The following XKR6 variants were observed in gnomAD, a reference collection of about 807,000 sequenced individuals.
The protein encoded by XKR6 is XK related 6.
In XKR6, 22 loss-of-function variants were observed where a neutral mutation model predicts 56.7. That is an observed-to-expected ratio of 0.39 (90% CI 0.28 to 0.55). XKR6 has a LOEUF of 0.55. Among genes scored for constraint, XKR6 ranks in the 20% least tolerant of loss-of-function variants. The pLI is 0.66. For missense variants in XKR6, 852 were observed against 889.0 expected (o/e 0.96, Z 0.53); for synonymous variants, 524 against 387.8 (o/e 1.35, Z -4.13).
chr8:10,967,941 G>A (rs139911751), intron 1 of XKR6, among the ~76,000 whole-genome samples: 2,282 of 152,292 alleles, frequency 0.015, 24 homozygotes, highest in Non-Finnish European at 0.024. Flanking sequence ...GAACCCCAGA[G>A]CCCTAGGAGA....
chr8:10,985,125 T>C (rs964180402), intron 1 of XKR6, among the ~76,000 whole-genome samples: 2 of 151,988 alleles, frequency 1.3e-5, no homozygotes, highest in Admixed American at 1.3e-4. Flanking sequence ...TTCTATTTTT[T>C]GTGGAGAGGG....
chr8:11,192,399 T>G (rs1454728870), intron 1 of XKR6, among the ~76,000 whole-genome samples: 1 of 152,080 alleles, frequency 6.6e-6, no homozygotes, highest in Non-Finnish European at 1.5e-5. Flanking sequence ...TCCATCCACC[T>G]CAGCCTCCAA....
chr8:11,129,739 A>G (rs1187991679), intron 1 of XKR6, among the ~76,000 whole-genome samples: 1 of 152,216 alleles, frequency 6.6e-6, no homozygotes, highest in Non-Finnish European at 1.5e-5. Flanking sequence ...AATTTTTTAA[A>G]TCGATGTGGG....
chr8:10,965,848 G>A (rs1239767863), intron 1 of XKR6, among the ~76,000 whole-genome samples: 1 of 152,230 alleles, frequency 6.6e-6, no homozygotes, highest in Admixed American at 6.5e-5. Flanking sequence ...TCTGGCCCGG[G>A]CCGAGTCCAC....
chr8:11,127,091 C>T (rs1363904194), intron 1 of XKR6, among the ~76,000 whole-genome samples: 2 of 152,138 alleles, frequency 1.3e-5, no homozygotes, highest in African/African-American at 4.8e-5. Context: ...ACTAAGGGTA[C>T]TCTAGGTGGT....
chr8:10,983,651 T>G (rs1797785322), intron 1 of XKR6, among the ~76,000 whole-genome samples: 1 of 145,956 alleles, frequency 6.9e-6, no homozygotes, highest in Non-Finnish European at 1.5e-5. Flanking sequence ...AGCTTACATA[T>G]TCTTTTTTTT....
intron 2 of XKR6, among the ~76,000 whole-genome samples, chr8:10,911,203 T>TGC (rs1304077796): frequency 2.3e-5 from 3 of 130,514 alleles, no homozygotes; most frequent in South Asian, 2.3e-4. Flanking sequence ...GGTGTGCGTG[T>TGC]GTGTGTGTGT....
At chr8:11,152,164 G>C (rs1801299874) in intron 1 of XKR6, among the ~76,000 whole-genome samples, 1 of 152,144 alleles carries the variant, frequency 6.6e-6, no homozygotes, top group Non-Finnish European at 1.5e-5. Context: ...TGACACTCTT[G>C]GGAATCTTAG....
chr8:11,037,857 CAAAAAAA>C (rs61377795), intron 1 of XKR6, among the ~76,000 whole-genome samples: 5 of 100,744 alleles, frequency 5.0e-5, no homozygotes, highest in African/African-American at 9.9e-5. Context: ...GACTTGGTTT[CAAAAAAA>C]AAAAAAAAAA....
intron 1 of XKR6, among the ~76,000 whole-genome samples, chr8:11,048,677 G>C (rs989643568): frequency 2.6e-5 from 4 of 152,178 alleles, no homozygotes; most frequent in African/African-American, 9.7e-5. Context: ...TGGAGGCTGA[G>C]TCCCCTTCCT....
At chr8:11,036,678 G>C (rs1388293309) in intron 1 of XKR6, among the ~76,000 whole-genome samples, 1 of 152,224 alleles carries the variant, frequency 6.6e-6, no homozygotes, top group African/African-American at 2.4e-5. Flanking sequence ...GTTCTTTGGA[G>C]GGTTCAACAG....
chr8:11,093,571 G>T (rs1355138079), intron 1 of XKR6, among the ~76,000 whole-genome samples: 1 of 151,984 alleles, frequency 6.6e-6, no homozygotes, highest in Non-Finnish European at 1.5e-5. Context: ...TTGGCAACAT[G>T]GTCCTTTTCT....
chr8:10,967,483 AGG>A (rs958673370), intron 1 of XKR6, among the ~76,000 whole-genome samples: 1 of 152,238 alleles, frequency 6.6e-6, no homozygotes, highest in Non-Finnish European at 1.5e-5. Context: ...GAGGCTGTAC[AGG>A]AGCCAAGACC....
At chr8:10,975,223 T>C (rs1415337565) in intron 1 of XKR6, among the ~76,000 whole-genome samples, 2 of 152,208 alleles carry the variant, frequency 1.3e-5, no homozygotes, top group African/African-American at 4.8e-5. Flanking sequence ...CAACGATCCC[T>C]TGGCTGCCCC....
At chr8:10,902,609 G>A (rs1800068042) in intron 2 of XKR6, among the ~76,000 whole-genome samples, 1 of 152,246 alleles carries the variant, frequency 6.6e-6, no homozygotes, top group South Asian at 2.1e-4. Context: ...AATGGTGGGA[G>A]CCTGTTCTGG....
At chr8:11,186,462 A>C (rs569697338) in intron 1 of XKR6, among the ~76,000 whole-genome samples, 4 of 152,220 alleles carry the variant, frequency 2.6e-5, no homozygotes, top group Admixed American at 2.6e-4. Context: ...CTGCAGCCTC[A>C]ACCTCCTGGG....
At chr8:11,181,027 G>C (rs531930896) in intron 1 of XKR6, among the ~76,000 whole-genome samples, 4 of 152,292 alleles carry the variant, frequency 2.6e-5, no homozygotes, top group African/African-American at 9.6e-5. Context: ...CATACTTTTT[G>C]TTTAAAAGTT....
chr8:11,040,943 T>TCTA (rs1174044583), intron 1 of XKR6, among the ~76,000 whole-genome samples: 1 of 152,140 alleles, frequency 6.6e-6, no homozygotes, highest in African/African-American at 2.4e-5. Context: ...GAAGCAGGTA[T>TCTA]CTACGTACAT....
chr8:11,035,563 C>T (rs112092732), intron 1 of XKR6, among the ~76,000 whole-genome samples: 1 of 152,226 alleles, frequency 6.6e-6, no homozygotes, highest in Non-Finnish European at 1.5e-5. Context: ...TGCTCTGCAG[C>T]TGAACTTCAA....
Sources: gnomAD v4.1 joint callset for allele counts (sites outside exome capture counted in the v4.1 genomes callset) on GRCh38, gnomAD v4.1.1 for gene constraint, MANE v1.5 for transcripts, NCBI Gene and HGNC (gene_info 2026-07-23, HGNC 2026-07-21) for gene names.